ADGRF5: variants seen among roughly 807,000 people sequenced by gnomAD.
The protein encoded by ADGRF5 is G-protein coupled receptor 116.
A neutral mutation model predicts 132.3 loss-of-function variants in ADGRF5; 75 were observed. That is an observed-to-expected ratio of 0.57 (90% CI 0.47 to 0.69). The LOEUF (loss-of-function observed/expected upper bound fraction) is 0.69, where lower values mean the gene tolerates loss of function less well. ADGRF5 is among the 30% of genes least tolerant of loss of function. The pLI, the probability that ADGRF5 is intolerant of heterozygous loss-of-function variation, is 0.00. For missense variants in ADGRF5, 1,516 were observed against 1,630.6 expected, an observed-to-expected ratio of 0.93 and a Z score of 1.21; for synonymous variants, 629 against 597.6, an observed-to-expected ratio of 1.05 and a Z score of -0.77.
At chr6:46,879,458 T>C (rs1381371089) in intron 9 of ADGRF5, among the ~76,000 whole-genome samples, 3 of 152,050 alleles carry the variant, frequency 2.0e-5, no homozygotes, top group African/African-American at 7.2e-5. Flanking sequence ...TAAAACCAGA[T>C]GTTTGACAAT....
chr6:46,908,689 CTA>C (rs2150902151), intron 1 of ADGRF5: 1 of 152,296 alleles, frequency 6.6e-6, no homozygotes, highest in East Asian at 1.9e-4. Context: ...TCTGCTGAGA[CTA>C]TTTTTAATAA....
intron 1 of ADGRF5, among the ~76,000 whole-genome samples, chr6:46,948,475 AGT>A (rs3030417): frequency 0.3 from 42,397 of 142,980 alleles, 5,408 homozygotes; most frequent in South Asian, 0.44. Flanking sequence ...TGCTCTAGTG[AGT>A]GTGTGTGTGT....
At chr6:46,903,813 AG>A (rs559792742) in intron 2 of ADGRF5, among the ~76,000 whole-genome samples, 153 of 152,314 alleles carry the variant, frequency 1.0e-3, no homozygotes, top group African/African-American at 3.5e-3. Context: ...ACCTAATACT[AG>A]AATATTAAAA....
In ADGRF5 at chr6:46,889,568, G is replaced by GTGTGTATATATATATATATATA. The variant is rs1263241979; in HGVS notation, c.158-1064_158-1063insTATATATATATATATATACACA. 5.1e-5 allele frequency among the ~76,000 whole-genome samples: 4 copies of GTGTGTATATATATATATATATA among 77,814 alleles called. No individual in the cohort carries two copies. In the South Asian group the frequency reaches 1.6e-3, roughly 31 times the overall value. 51.0% of individuals were successfully genotyped at this position (77,814 alleles called of 152,430 possible). A position where few individuals can be genotyped will look rare whatever the true frequency, so the allele number is the denominator to read the frequency against. On this transcript the variant is annotated intron_variant, in intron 3 of 20. Coordinates refer to ENST00000283296, the MANE Select transcript of ADGRF5 (RefSeq NM_001098518.2). ...TATATATATATGTGTGTGTGTGTGTGTATATATATATATATATATATATAT... is the reference window on the plus strand; with the variant it reads ...TATATATATATGTGTGTGTGTGTGTGTGTGTATATATATATATATATATATATATATATATATATATATATAT...
chr6:46,953,899 A>G (rs1561847237), intron 1 of ADGRF5, among the ~76,000 whole-genome samples: 1 of 152,028 alleles, frequency 6.6e-6, no homozygotes, highest in African/African-American at 2.4e-5. Context: ...TGTATAAATT[A>G]TTTCTCTTAG....
intron 1 of ADGRF5, among the ~76,000 whole-genome samples, chr6:46,942,778 T>G (rs1049472902): frequency 1.3e-5 from 2 of 152,182 alleles, no homozygotes; most frequent in African/African-American, 4.8e-5. Flanking sequence ...ATTTCTTTCT[T>G]CCTTTTTCTC....
chr6:46,908,346 C>T (rs547885490), intron 1 of ADGRF5, among the ~76,000 whole-genome samples: 3 of 152,076 alleles, frequency 2.0e-5, no homozygotes, highest in Non-Finnish European at 4.4e-5. Context: ...GGGTATTGAA[C>T]AGGCTAATAC....
chr6:46,877,322 C>CTTCCTTCCTTCCTTCT (rs1771889394), intron 10 of ADGRF5, among the ~76,000 whole-genome samples: 2 of 30,314 alleles, frequency 6.6e-5, no homozygotes, highest in South Asian at 1.6e-3. Flanking sequence ...TCCTTCCTTC[C>CTTCCTTCCTTCCTTCT]TTCTTTCTTT....
intron 11 of ADGRF5, among the ~76,000 whole-genome samples, chr6:46,870,021 CTCTT>C (rs1770875527): frequency 6.6e-6 from 1 of 152,036 alleles, no homozygotes; most frequent in African/African-American, 2.4e-5. Flanking sequence ...CTGTGCACTT[CTCTT>C]TGAGTATATC....
chr6:46,866,444 G>A lies in ADGRF5; in HGVS notation c.1834+481C>T, dbSNP rs538896434. 2.0e-3 allele frequency among the ~76,000 whole-genome samples: 311 copies of A among 152,160 alleles called. 3 individuals carry two copies. Among genetic ancestry groups the A allele is most frequent in the African/African-American group, 7.0e-3 (292 of 41,510 alleles). ...GGAGCCTTAAAACCCAAGGTTCTGG[G>A]TTTCTGATATTGGCAAAAGCCCATA... On this transcript the variant is annotated intron_variant, in intron 13 of 20. Coordinates refer to ENST00000283296, the MANE Select transcript of ADGRF5 (RefSeq NM_001098518.2).
intron 1 of ADGRF5, among the ~76,000 whole-genome samples, chr6:46,927,586 C>T (rs1054551253): frequency 4.6e-5 from 7 of 152,178 alleles, no homozygotes; most frequent in Non-Finnish European, 7.4e-5. Flanking sequence ...TCTGTACTGA[C>T]GAGAAGAATA....
chr6:46,860,666 G>A, intron 16 of ADGRF5, 49 bp downstream of exon 16: 4 of 1,320,982 alleles, frequency 3.0e-6, no homozygotes, highest in Non-Finnish European at 4.3e-6. Flanking sequence ...AAATTCTGAG[G>A]GGTGAAAAGG....
chr6:46,929,832 A>T (rs1777467852), intron 1 of ADGRF5, among the ~76,000 whole-genome samples: 2 of 151,594 alleles, frequency 1.3e-5, no homozygotes, highest in African/African-American at 4.8e-5. Flanking sequence ...TATTATTGTT[A>T]TTTTTTGAGA....
At chr6:46,856,944 A>C (rs1397770493) in intron 17 of ADGRF5, 36 bp from the exon 18 acceptor site, 9 of 1,485,376 alleles carry the variant, frequency 6.1e-6, no homozygotes, top group African/African-American at 1.4e-5. Context: ...GTGCATTTTA[A>C]TTATAGTCTA....
chr6:46,920,530 G>GGT (rs997960746), intron 1 of ADGRF5, among the ~76,000 whole-genome samples: 3 of 136,322 alleles, frequency 2.2e-5, no homozygotes, highest in East Asian at 2.4e-4. Context: ...AATATTTGGG[G>GGT]GGGGGGAAGA....
chr6:46,913,727 G>T (rs571781953), intron 1 of ADGRF5, among the ~76,000 whole-genome samples: 2 of 152,286 alleles, frequency 1.3e-5, no homozygotes, highest in African/African-American at 4.8e-5. Context: ...CACGAAATTT[G>T]TTTGTAAATT....
chr6:46,911,970 C>CTA (rs1775992857), intron 1 of ADGRF5, among the ~76,000 whole-genome samples: 2 of 152,176 alleles, frequency 1.3e-5, no homozygotes, highest in South Asian at 4.2e-4. Flanking sequence ...TGAGGACTTA[C>CTA]TATATACCAG....
At chr6:46,893,525 A>C (rs1217269937) in intron 3 of ADGRF5, among the ~76,000 whole-genome samples, 1 of 151,990 alleles carries the variant, frequency 6.6e-6, no homozygotes, top group African/African-American at 2.4e-5. Context: ...TGCCAAACCC[A>C]CCTGTCCCGC....
At chr6:46,865,634 T>C (rs1378845299) in intron 13 of ADGRF5, among the ~76,000 whole-genome samples, 1 of 152,220 alleles carries the variant, frequency 6.6e-6, no homozygotes, top group Non-Finnish European at 1.5e-5. Context: ...CAGCTCAGTA[T>C]CTGGTGCATA....
Sources: gnomAD v4.1 joint callset for allele counts (sites outside exome capture counted in the v4.1 genomes callset) on GRCh38, gnomAD v4.1.1 for gene constraint, MANE v1.5 for transcripts, NCBI Gene and HGNC (gene_info 2026-07-23, HGNC 2026-07-21) for gene names.